The following CSMD2 variants were observed in gnomAD, a reference collection of about 807,000 sequenced individuals.
CSMD2 encodes CUB and Sushi multiple domains 2, also known as CUB and sushi domain-containing protein 2.
Under a neutral mutation model 398.5 loss-of-function variants are expected in CSMD2, and 130 were observed. The observed-to-expected ratio is 0.33, with a 90% CI of 0.28 to 0.38. CSMD2 has a LOEUF of 0.38. CSMD2 is among the 10% of genes least tolerant of loss of function. The pLI is 1.00. For synonymous variants in CSMD2, 1,828 were observed against 1,908.5 expected (o/e 0.96, Z 1.10); for missense variants, 3,829 against 4,764.9 (o/e 0.80, Z 5.78).
chr1:34,037,278 A>T (rs576364752), intron 2 of CSMD2, among the ~76,000 whole-genome samples: 89 of 150,372 alleles, frequency 5.9e-4, no homozygotes, highest in Non-Finnish European at 1.3e-3. Flanking sequence ...CCTCCTATCC[A>T]CTCCAGCCTG....
chr1:33,532,634 C>A (rs564276739), intron 64 of CSMD2, among the ~76,000 whole-genome samples: 6 of 152,316 alleles, frequency 3.9e-5, no homozygotes, highest in African/African-American at 1.2e-4. Flanking sequence ...CATGGGGCCA[C>A]ATGAACTCTC....
intron 24 of CSMD2, among the ~76,000 whole-genome samples, chr1:33,697,910 G>T (rs1184266108): frequency 6.6e-6 from 1 of 152,234 alleles, no homozygotes; most frequent in African/African-American, 2.4e-5. Flanking sequence ...AGGCATGTAT[G>T]TGTTTTTCCA....
chr1:33,579,869 G>A (rs1054136076), intron 48 of CSMD2, among the ~76,000 whole-genome samples: 7 of 151,996 alleles, frequency 4.6e-5, no homozygotes, highest in Non-Finnish European at 1.5e-5. Context: ...AGTAGAGATG[G>A]GGTTTCACTA....
chr1:33,818,133 A>C (rs1657685336), intron 9 of CSMD2, among the ~76,000 whole-genome samples: 1 of 152,202 alleles, frequency 6.6e-6, no homozygotes, highest in African/African-American at 2.4e-5. Flanking sequence ...CCACTGCAAA[A>C]GGCATTGTCA....
intron 67 of CSMD2, 130 bp from the exon 68 acceptor site, chr1:33,521,680 T>G: frequency 2.9e-6 from 2 of 692,406 alleles, no homozygotes; most frequent in South Asian, 1.7e-5. Context: ...GTTTGTTCTC[T>G]GCCCACACCT....
At chr1:33,873,939 T>G (rs760526426) in intron 5 of CSMD2, 3 of 152,238 alleles carry the variant, frequency 2.0e-5, no homozygotes, top group Admixed American at 2.0e-4. Context: ...ACTTCTCATC[T>G]CTCCTACCTT....
At chr1:33,853,792 T>C (rs1311286512) in intron 5 of CSMD2, among the ~76,000 whole-genome samples, 1 of 152,212 alleles carries the variant, frequency 6.6e-6, no homozygotes, top group East Asian at 1.9e-4. Context: ...AACACTTTTA[T>C]TGGACATGTT....
chr1:34,074,525 A>T (rs1018608060), intron 2 of CSMD2, among the ~76,000 whole-genome samples: 40 of 152,116 alleles, frequency 2.6e-4, no homozygotes, highest in African/African-American at 9.4e-4. Flanking sequence ...AAACACTCTC[A>T]TCCCTCCTTC....
intron 20 of CSMD2, 25 bp from the exon 21 acceptor site, chr1:33,714,800 G>T: frequency 6.2e-7 from 1 of 1,610,604 alleles, no homozygotes; most frequent in East Asian, 2.2e-5. Flanking sequence ...GGAGATCCGG[G>T]CTCAGAGACA....
rs1432849001 is a variant in CSMD2 at position 33,820,516 on chromosome 1, T to C, written c.1152A>G (p.Pro384=). ...VGVSQGHNMC[P]DPGIPERGKR... ...TGCCCCTTTCGGGTATGCCAGGGTC[T>C]GGACACATATTATGTCCTTGGGACA... The change falls in exon 8 of 71, where the codon CCA becomes CCG. Residue 384 remains proline (P), a synonymous_variant. Coordinates refer to ENST00000373381, the MANE Select transcript of CSMD2 (RefSeq NM_001281956.2). 2 of 1,593,072 alleles carry C rather than the reference T, an allele frequency of 1.3e-6. No homozygotes were observed. The highest frequency in any genetic ancestry group is 1.1e-5 in the South Asian group (1 of 90,478).
chr1:33,939,482 G>A (rs914704463), intron 3 of CSMD2, among the ~76,000 whole-genome samples: 2 of 152,170 alleles, frequency 1.3e-5, no homozygotes, highest in Non-Finnish European at 2.9e-5. Context: ...AATGAGCTGA[G>A]AACTGGTGTA....
chr1:34,064,929 C>T (rs115744556), intron 2 of CSMD2, among the ~76,000 whole-genome samples: 4,010 of 152,182 alleles, frequency 0.026, 177 homozygotes, highest in African/African-American at 0.092. Context: ...GCGGAAAACT[C>T]GGATAAAACC....
chr1:33,818,408 T>C (rs1657722294), intron 9 of CSMD2, among the ~76,000 whole-genome samples: 1 of 152,208 alleles, frequency 6.6e-6, no homozygotes, highest in African/African-American at 2.4e-5. Context: ...TGAGGATATT[T>C]TTTTTCTTCT....
chr1:33,788,582 C>A lies in CSMD2; in HGVS notation c.1663+18G>T. 7.0e-7 allele frequency: 1 copy of A among 1,419,474 alleles called. No individual in the cohort carries two copies. Among genetic ancestry groups the A allele is most frequent in the Non-Finnish European group, 1.0e-6 (1 of 1,003,004 alleles). 87.9% of individuals were successfully genotyped at this position (1,419,474 alleles called of 1,614,324 possible). ...GACTCCCAGGACACAGTTCATCTGG[C>A]TTGCCAAAAGCAGTTACCTTCATAA... On this transcript the variant is annotated intron_variant, in intron 12 of 70. Coordinates refer to ENST00000373381, the MANE Select transcript of CSMD2 (RefSeq NM_001281956.2).
chr1:33,660,229 C>G (rs943451055), intron 26 of CSMD2, among the ~76,000 whole-genome samples: 1 of 152,192 alleles, frequency 6.6e-6, no homozygotes, highest in Non-Finnish European at 1.5e-5. Context: ...GGTGCCCATA[C>G]TGTAAGGGTT....
chr1:33,783,694 G>A (rs528112652), intron 12 of CSMD2, among the ~76,000 whole-genome samples: 1 of 152,256 alleles, frequency 6.6e-6, no homozygotes, highest in Non-Finnish European at 1.5e-5. Context: ...TACCCCAGGG[G>A]ACATTGTGGT....
chr1:33,917,134 G>A (rs1179551182), intron 5 of CSMD2, among the ~76,000 whole-genome samples: 1 of 152,128 alleles, frequency 6.6e-6, no homozygotes, highest in Non-Finnish European at 1.5e-5. Context: ...CCCGCACCCA[G>A]GGCCTCCACC....
At chr1:33,656,685 A>G (rs973213368) in intron 27 of CSMD2, among the ~76,000 whole-genome samples, 1 of 152,214 alleles carries the variant, frequency 6.6e-6, no homozygotes, top group African/African-American at 2.4e-5. Context: ...GGAAAATGAG[A>G]GGCTTTGCAT....
intron 1 of CSMD2, among the ~76,000 whole-genome samples, chr1:34,128,340 G>C (rs1662959936): frequency 6.6e-6 from 1 of 152,140 alleles, no homozygotes; most frequent in Non-Finnish European, 1.5e-5. Context: ...GGTGACTCTT[G>C]GTAGAATTTG....
Sources: gnomAD v4.1 joint callset for allele counts (sites outside exome capture counted in the v4.1 genomes callset) on GRCh38, gnomAD v4.1.1 for gene constraint, MANE v1.5 for transcripts, NCBI Gene and HGNC (gene_info 2026-07-23, HGNC 2026-07-21) for gene names.